HERC2: variants seen among roughly 807,000 people sequenced by gnomAD.
The protein encoded by HERC2 is HECT and RLD domain containing E3 ubiquitin protein ligase 2, also known as E3 ubiquitin-protein ligase HERC2.
A neutral mutation model predicts 537.7 loss-of-function variants in HERC2; 102 were observed. The ratio of observed to expected loss-of-function variants is 0.19; its 90% CI spans 0.16 to 0.22. The LOEUF (loss-of-function observed/expected upper bound fraction) is 0.22. HERC2 is among the 10% of genes least tolerant of loss of function. The probability of loss-of-function intolerance (pLI) is 1.00; values close to 1 mark genes in which losing one functional copy is unlikely to be tolerated. For missense variants in HERC2, 4,236 were observed against 6,198.2 expected (o/e 0.68, Z 10.63); for synonymous variants, 2,224 against 2,466.2 (o/e 0.90, Z 2.91).
intron 85 of HERC2, among the ~76,000 whole-genome samples, chr15:28,121,690 T>C (rs887892086): frequency 6.6e-6 from 1 of 152,112 alleles, no homozygotes; most frequent in Non-Finnish European, 1.5e-5. Context: ...CCAGCAGCGT[T>C]CCGGAGGCTG....
intron 3 of HERC2, among the ~76,000 whole-genome samples, chr15:28,297,041 C>A (rs1464130298): frequency 6.6e-6 from 1 of 152,256 alleles, no homozygotes; most frequent in African/African-American, 2.4e-5. Context: ...ACAGATGTGA[C>A]TTTGAAGGGC....
In HERC2 at chr15:28,260,839, G is replaced by C; in HGVS notation, c.2254C>G (p.Pro752Ala). Residue 752 changes from proline (P) to alanine (A), a missense_variant, in exon 16 of 93, where the codon CCT (proline) becomes GCT (alanine). Transcript: ENST00000261609. ...FDTLRVTKPE[P>A]AALPGLDTKH... ...GTGTCCAGTCCTGGCAATGCTGCAG[G>C]TTCTGGCTTGGTCACGCGCAAGGTG... is the stretch of plus-strand genomic sequence containing the variant. 1.9e-6 allele frequency: 3 copies of C among 1,614,248 alleles called. No individual in the cohort carries two copies. The South Asian group carries it at 3.3e-5, about 18-fold the overall frequency.
intron 71 of HERC2, 60 bp from the exon 72 acceptor site, chr15:28,144,864 C>T (rs1483862729): frequency 7.5e-6 from 12 of 1,606,946 alleles, no homozygotes; most frequent in African/African-American, 1.3e-5. Context: ...CAACACAAAC[C>T]TTCTTAGACG....
rs1888999973 is a variant in HERC2, at chr15:28,122,263, G to A, written c.13189-834C>T. ...GGTCGGCCATGCCCGTGGGGAAAGG[G>A]CAGAGGATGCGGCACGCAGCCGTGC... On this transcript the variant is annotated intron_variant, in intron 85 of 92. Transcript: ENST00000261609. The surrounding 1 kb of genome is among the most constrained non-coding windows in gnomAD (Gnocchi z 4.1). 6.6e-6 allele frequency among the ~76,000 whole-genome samples: 1 copy of A among 152,266 alleles called. No individual in the cohort carries two copies. The highest frequency in any genetic ancestry group is 6.5e-5 in the Admixed American group (1 of 15,294).
intron 66 of HERC2, 74 bp downstream of exon 66, chr15:28,169,410 C>T (rs74747661): frequency 3.7e-5 from 43 of 1,150,126 alleles, no homozygotes; most frequent in Admixed American, 2.1e-4. Context: ...ATCTGATCAA[C>T]GAAAAGAAAA....
intron 50 of HERC2, among the ~76,000 whole-genome samples, chr15:28,197,694 T>C (rs181499986): frequency 4.6e-5 from 7 of 152,186 alleles, no homozygotes; most frequent in African/African-American, 1.4e-4. Context: ...GAGGTTGCAG[T>C]GAGTCAAGAT....
At chr15:28,315,449 G>C (rs1274759383) in intron 2 of HERC2, among the ~76,000 whole-genome samples, 1 of 152,228 alleles carries the variant, frequency 6.6e-6, no homozygotes, top group South Asian at 2.1e-4. Flanking sequence ...GGTCGGACAA[G>C]GTTTATAAAC....
At position 28,173,757 on chromosome 15, in the gene HERC2, C is replaced by T. The variant is rs888638517; in HGVS notation, c.10057+638G>A. Among the ~76,000 whole-genome samples, 17 of 146,958 alleles carry T rather than the reference C, an allele frequency of 1.2e-4. No homozygotes were observed. In the South Asian group the frequency reaches 1.5e-3, roughly 13 times the overall value. ...GGTGGAAGCTGCAGTGAGCCAAAAT[C>T]GTGCCACTGCACTCCAGAGTGAGAC... is the stretch of plus-strand genomic sequence containing the variant. On this transcript the variant is annotated intron_variant, in intron 65 of 92. Coordinates refer to ENST00000261609, the MANE Select transcript of HERC2 (RefSeq NM_004667.6).
chr15:28,301,339 CAG>C (rs1453571283), intron 2 of HERC2, among the ~76,000 whole-genome samples: 4 of 151,810 alleles, frequency 2.6e-5, no homozygotes, highest in Admixed American at 6.6e-5. Flanking sequence ...AGCCTGAACC[CAG>C]GAGGCCAAGG....
In HERC2 at chr15:28,233,443, C is replaced by G. The variant is rs573056894; in HGVS notation, c.4470G>C (p.Ser1490=). 1 of 1,373,360 alleles carries G rather than the reference C, an allele frequency of 7.3e-7. No homozygotes were observed. The highest frequency in any genetic ancestry group is 1.4e-5 in the African/African-American group (1 of 69,422). 85.1% of individuals were successfully genotyped at this position (1,373,360 alleles called of 1,614,324 possible). Residue 1490 remains serine (S), a synonymous_variant, in exon 29 of 93, where the codon TCG becomes TCC. Transcript: ENST00000261609. The part of the protein sequence containing the change: ...VCRVVYQAKC[S]LIKTHQEQGR... ...AATTAAAATCTATCACCTTAATGAGCGAACATTTTGCTTGGTAGACAACTC... is the reference window on the plus strand; with the variant it reads ...AATTAAAATCTATCACCTTAATGAGGGAACATTTTGCTTGGTAGACAACTC...
intron 3 of HERC2, 22 bp downstream of exon 3, chr15:28,299,380 A>C: frequency 9.9e-7 from 1 of 1,011,042 alleles, no homozygotes; most frequent in Non-Finnish European, 1.5e-6. Context: ...CCAAATAAAA[A>C]ACACTAGTTA....
intron 83 of HERC2, among the ~76,000 whole-genome samples, chr15:28,127,563 T>C (rs914643220): frequency 6.6e-6 from 1 of 152,180 alleles, no homozygotes; most frequent in African/African-American, 2.4e-5. Flanking sequence ...TGAGGAGGTC[T>C]GGGGAGCGGT....
chr15:28,261,201 A>G (rs1490119337), intron 15 of HERC2, among the ~76,000 whole-genome samples: 2 of 152,186 alleles, frequency 1.3e-5, no homozygotes, highest in African/African-American at 4.8e-5. Context: ...TCATAATACT[A>G]GGATACAAAA....
chr15:28,132,895 A>ACGGCG, intron 79 of HERC2, 65 bp from the exon 80 acceptor site: 1 of 1,275,406 alleles, frequency 7.8e-7, no homozygotes, highest in Non-Finnish European at 1.1e-6. Context: ...TCAGTGTATT[A>ACGGCG]AATACCTCTC....
chr15:28,225,472 C>A (rs144517461), intron 35 of HERC2, among the ~76,000 whole-genome samples: 1 of 151,834 alleles, frequency 6.6e-6, no homozygotes, highest in South Asian at 2.1e-4. Flanking sequence ...CTGAGGTGGG[C>A]GGATCGCGAG....
At chr15:28,175,094 A>G (rs549473928) in intron 64 of HERC2, among the ~76,000 whole-genome samples, 3 of 152,028 alleles carry the variant, frequency 2.0e-5, no homozygotes, top group Non-Finnish European at 4.4e-5. Flanking sequence ...TCCATAAGCC[A>G]GTCATAGCGT....
In HERC2 at chr15:28,268,216, G is replaced by A. The variant is rs74005657; in HGVS notation, c.1598+249C>T. ...CCACAGTGGGGATGCAGTTTGAGTA[G>A]ATAGAAGGCTGGCCAAGGCTGCACG... On this transcript the variant is annotated intron_variant, in intron 12 of 92. Coordinates refer to ENST00000261609, the MANE Select transcript of HERC2 (RefSeq NM_004667.6). This position sits in a 1 kb window ranked among gnomAD's most constrained non-coding sequence, Gnocchi z 4.7. Among the ~76,000 whole-genome samples the A allele has an allele frequency of 3.3e-3, 500 of 152,272 alleles. 7 individuals are homozygous for A. The highest frequency in any genetic ancestry group is 0.012 in the African/African-American group (479 of 41,560).
chr15:28,213,998 G>C (rs548531154), intron 41 of HERC2, 26 bp from the exon 42 acceptor site: 2 of 1,610,640 alleles, frequency 1.2e-6, no homozygotes, highest in Non-Finnish European at 1.7e-6. Context: ...CAGCGAGCTC[G>C]ACAGAGACAC....
At chr15:28,313,805 T>C (rs758210761) in intron 2 of HERC2, among the ~76,000 whole-genome samples, 14 of 152,078 alleles carry the variant, frequency 9.2e-5, no homozygotes, top group Middle Eastern at 3.2e-3. Flanking sequence ...AGTAAGATAG[T>C]GAGGTCTTCC....
Sources: allele counts gnomAD v4.1 joint callset (sites outside exome capture counted in the v4.1 genomes callset), GRCh38; gene constraint gnomAD v4.1.1; non-coding constraint Gnocchi (gnomAD v3.1); transcripts MANE v1.5; gene names NCBI Gene and HGNC (gene_info 2026-07-23, HGNC 2026-07-21).